TRMT9B: variants seen among roughly 807,000 people sequenced by gnomAD.
TRMT9B encodes the protein tRNA methyltransferase 9B (putative).
Under a neutral mutation model 11.5 loss-of-function variants are expected in TRMT9B, and 16 were observed. The observed-to-expected ratio is 1.39, with a 90% CI of 0.94 to 2.11. The LOEUF (loss-of-function observed/expected upper bound fraction) is 2.11. Among genes scored for constraint, TRMT9B ranks in the 30% most tolerant of loss-of-function variants. The probability of loss-of-function intolerance (pLI) is 0.00; values close to 1 mark genes in which losing one functional copy is unlikely to be tolerated. For missense variants in TRMT9B, 941 were observed against 553.8 expected, an observed-to-expected ratio of 1.70 and a Z score of -7.02; for synonymous variants, 274 against 192.4, an observed-to-expected ratio of 1.42 and a Z score of -3.51.
At chr8:12,970,131 A>G (rs905769007) in intron 1 of TRMT9B, 4 of 152,168 alleles carry the variant, frequency 2.6e-5, no homozygotes, top group Admixed American at 2.6e-4. Context: ...TAACACCAAT[A>G]CCACCTGGTT....
At chr8:13,005,716 G>C (rs1585322922) in intron 2 of TRMT9B, among the ~76,000 whole-genome samples, 1 of 152,286 alleles carries the variant, frequency 6.6e-6, no homozygotes, top group East Asian at 1.9e-4. Flanking sequence ...GTAAAGAAAT[G>C]GGCACCTATA....
intron 1 of TRMT9B, among the ~76,000 whole-genome samples, chr8:12,957,401 C>G (rs1585074764): frequency 1.3e-5 from 2 of 151,954 alleles, no homozygotes; most frequent in African/African-American, 4.8e-5. Context: ...ATGAAGTAAT[C>G]AGAAGCCATT....
At chr8:12,947,650 C>G (rs1800328739) in intron 1 of TRMT9B, among the ~76,000 whole-genome samples, 2 of 152,160 alleles carry the variant, frequency 1.3e-5, no homozygotes, top group Middle Eastern at 3.2e-3. Context: ...ACTGTGATAG[C>G]CAATGAGGAT....
At chr8:12,980,189 G>T (rs539002915) in intron 1 of TRMT9B, among the ~76,000 whole-genome samples, 1 of 152,206 alleles carries the variant, frequency 6.6e-6, no homozygotes, top group South Asian at 2.1e-4. Context: ...AGCGGGGCCT[G>T]CTCCCTTTGA....
At chr8:12,964,945 G>A (rs1250585037) in intron 1 of TRMT9B, among the ~76,000 whole-genome samples, 2 of 152,132 alleles carry the variant, frequency 1.3e-5, no homozygotes, top group African/African-American at 4.8e-5. Context: ...AGCAAACACA[G>A]TCATAAAATG....
Position 13,012,736 on chromosome 8 carries a change from CTG to C in TRMT9B, c.210_211del (p.Cys70Ter). 6.2e-7 allele frequency: 1 copy of C among 1,613,948 alleles called. No homozygotes were observed. The highest frequency in any genetic ancestry group is 8.5e-7 in the Non-Finnish European group (1 of 1,179,870). ...KVNSQVHTVG[C>X]DYCGPLVEIA... is the part of the protein sequence containing the mutation. Reference sequence around the variant, plus strand: ...TGAACAGCCAGGTACATACCGTGGGCTGTGACTACTGTGGGCCACTGGTAGAG... The same window carrying C: ...TGAACAGCCAGGTACATACCGTGGGCTGACTACTGTGGGCCACTGGTAGAG... On this transcript the variant is annotated frameshift_variant, in exon 4 of 5. Coordinates refer to ENST00000524591, the MANE Select transcript of TRMT9B (RefSeq NM_020844.3). LOFTEE classifies it high-confidence loss of function.
At chr8:13,015,556 A>G (rs1347498137) in intron 4 of TRMT9B, among the ~76,000 whole-genome samples, 1 of 122,788 alleles carries the variant, frequency 8.1e-6, no homozygotes, top group Non-Finnish European at 1.7e-5. Context: ...GGGTTGCCAT[A>G]TTGTCCAGGC....
chr8:12,957,655 C>G (rs976903161), intron 1 of TRMT9B, among the ~76,000 whole-genome samples: 1 of 152,112 alleles, frequency 6.6e-6, no homozygotes, highest in Non-Finnish European at 1.5e-5. Flanking sequence ...TAAATGGAGA[C>G]TACCTCAGCA....
At chr8:12,969,866 T>C (rs1192592968) in intron 1 of TRMT9B, 3 of 150,586 alleles carry the variant, frequency 2.0e-5, no homozygotes, top group Non-Finnish European at 4.4e-5. Context: ...TTTTTTTTTT[T>C]TGTAGACACA....
intron 3 of TRMT9B, chr8:13,011,234 C>T (rs1811556287): frequency 4.5e-6 from 4 of 887,616 alleles, no homozygotes; most frequent in Admixed American, 1.2e-4. Flanking sequence ...GATCCGCCCA[C>T]CACAGCCTCC....
intron 1 of TRMT9B, chr8:12,952,734 G>A (rs1800789023): frequency 2.1e-6 from 2 of 965,414 alleles, no homozygotes; most frequent in Non-Finnish European, 2.5e-6. Flanking sequence ...TACTTGCTAT[G>A]TGTGGGGTTT....
At chr8:12,960,864 T>G (rs2954193) in intron 1 of TRMT9B, among the ~76,000 whole-genome samples, 1 of 152,132 alleles carries the variant, frequency 6.6e-6, no homozygotes, top group African/African-American at 2.4e-5. Context: ...AAAACTGGGC[T>G]GGGCGCGGTG....
intron 1 of TRMT9B, among the ~76,000 whole-genome samples, chr8:12,976,471 G>A (rs1804468815): frequency 6.6e-6 from 1 of 151,900 alleles, no homozygotes; most frequent in East Asian, 1.9e-4. Flanking sequence ...CGGGTGCAGT[G>A]GCTCGTGCCT....
intron 3 of TRMT9B, chr8:13,012,358 C>G (rs112494740): frequency 1.6e-5 from 13 of 833,956 alleles, no homozygotes; most frequent in Non-Finnish European, 1.9e-5. Context: ...AGGCGGATCA[C>G]CTGAGGTTGG....
intron 1 of TRMT9B, among the ~76,000 whole-genome samples, chr8:12,958,200 T>G (rs1026972905): frequency 6.6e-6 from 1 of 152,228 alleles, no homozygotes; most frequent in Non-Finnish European, 1.5e-5. Context: ...TATCCCATTG[T>G]TTACGCCACA....
At chr8:13,015,517 A>G (rs1812479529) in intron 4 of TRMT9B, among the ~76,000 whole-genome samples, 1 of 151,812 alleles carries the variant, frequency 6.6e-6, no homozygotes, top group Non-Finnish European at 1.5e-5. Context: ...ATGCCTGGCT[A>G]ATTTTTTCTA....
intron 1 of TRMT9B, among the ~76,000 whole-genome samples, chr8:12,964,744 TTTTG>T (rs55817232): frequency 3.3e-5 from 5 of 150,706 alleles, no homozygotes; most frequent in South Asian, 2.1e-4. Flanking sequence ...GGCTAATGTT[TTTTG>T]TTTGTTTGTT....
At chr8:13,018,764 C>G (rs1276914946) in intron 4 of TRMT9B, among the ~76,000 whole-genome samples, 1 of 152,182 alleles carries the variant, frequency 6.6e-6, no homozygotes, top group Non-Finnish European at 1.5e-5. Flanking sequence ...ACCAACAGCA[C>G]TGCAACTCAT....
intron 2 of TRMT9B, 135 bp from the exon 3 acceptor site, chr8:13,006,067 A>C: frequency 4.0e-6 from 3 of 759,026 alleles, no homozygotes; most frequent in Non-Finnish European, 6.2e-6. Context: ...TGTTCTTTGC[A>C]GCTTATAAGA....
Sources: allele counts gnomAD v4.1 joint callset (sites outside exome capture counted in the v4.1 genomes callset), GRCh38; gene constraint gnomAD v4.1.1; transcripts MANE v1.5; gene names NCBI Gene and HGNC (gene_info 2026-07-23, HGNC 2026-07-21).